Variants in SYBU observed in about 807,000 individuals in gnomAD.
SYBU encodes the protein GOLSYN A protein.
SYBU carries 21 observed loss-of-function variants against 35.9 expected under a neutral mutation model. That is an observed-to-expected ratio of 0.58 (90% CI 0.41 to 0.84). The LOEUF (loss-of-function observed/expected upper bound fraction) is 0.84. Among genes scored for constraint, SYBU ranks in the 40% least tolerant of loss-of-function variants. SYBU has a pLI of 0.00. For missense variants in SYBU, 768 were observed against 848.2 expected (o/e 0.91, Z 1.17); for synonymous variants, 319 against 324.3 (o/e 0.98, Z 0.18).
At chr8:109,601,715 A>T (rs1371318161) in intron 3 of SYBU, among the ~76,000 whole-genome samples, 3 of 152,182 alleles carry the variant, frequency 2.0e-5, no homozygotes, top group Non-Finnish European at 4.4e-5. Context: ...GGTGAAAGAG[A>T]TCACATGAAC....
At chr8:109,677,767 T>C (rs1295895504) in intron 1 of SYBU, among the ~76,000 whole-genome samples, 1 of 152,198 alleles carries the variant, frequency 6.6e-6, no homozygotes, top group Non-Finnish European at 1.5e-5. Context: ...TTTCCAAACT[T>C]CAGACTAAGA....
intron 3 of SYBU, among the ~76,000 whole-genome samples, chr8:109,617,518 G>A (rs1308541518): frequency 6.6e-6 from 1 of 152,194 alleles, no homozygotes; most frequent in Non-Finnish European, 1.5e-5. Flanking sequence ...GTTGAGCTAA[G>A]GGAGACAGTC....
At chr8:109,598,751 T>C (rs766713398) in intron 3 of SYBU, among the ~76,000 whole-genome samples, 20 of 152,232 alleles carry the variant, frequency 1.3e-4, no homozygotes, top group Admixed American at 2.6e-4. Flanking sequence ...AAGTGATAAG[T>C]TGTAGATGAC....
intron 1 of SYBU, among the ~76,000 whole-genome samples, chr8:109,661,974 C>A (rs1401298073): frequency 6.6e-6 from 1 of 152,198 alleles, no homozygotes; most frequent in Non-Finnish European, 1.5e-5. Context: ...AAGCCGAGGT[C>A]TTTTATTTTC....
chr8:109,582,927 C>T (rs1416043366), intron 4 of SYBU, among the ~76,000 whole-genome samples: 1 of 152,132 alleles, frequency 6.6e-6, no homozygotes, highest in African/African-American at 2.4e-5. Flanking sequence ...AGAGGAGCCT[C>T]AGAAGAAGCC....
chr8:109,622,125 C>CTT (rs139889016), intron 2 of SYBU, among the ~76,000 whole-genome samples: 1 of 150,516 alleles, frequency 6.6e-6, no homozygotes, highest in Non-Finnish European at 1.5e-5. Flanking sequence ...ATCTGAGATT[C>CTT]TTTTTTTTTC....
intron 6 of SYBU, among the ~76,000 whole-genome samples, chr8:109,577,028 A>G (rs984352539): frequency 2.6e-5 from 4 of 152,158 alleles, no homozygotes; most frequent in African/African-American, 7.2e-5. Flanking sequence ...TCTCAAGTCT[A>G]TTTCAGACAG....
chr8:109,669,862 A>G (rs1184565617), intron 1 of SYBU, among the ~76,000 whole-genome samples: 1 of 152,224 alleles, frequency 6.6e-6, no homozygotes, highest in Non-Finnish European at 1.5e-5. Flanking sequence ...AAATCCATAC[A>G]TGTGTGAGCA....
intron 2 of SYBU, among the ~76,000 whole-genome samples, chr8:109,628,961 A>G (rs1365013676): frequency 6.6e-6 from 1 of 152,226 alleles, no homozygotes; most frequent in African/African-American, 2.4e-5. Context: ...CCTAAACCAA[A>G]AAAAAATGAG....
chr8:109,688,343 C>T (rs1174967353), intron 1 of SYBU, among the ~76,000 whole-genome samples: 1 of 152,146 alleles, frequency 6.6e-6, no homozygotes, highest in African/African-American at 2.4e-5. Context: ...TTCTGAAGTA[C>T]TGGAAATACA....
chr8:109,609,129 C>G (rs1892758), intron 3 of SYBU, among the ~76,000 whole-genome samples: 50,594 of 152,044 alleles, frequency 0.33, 10,073 homozygotes, highest in African/African-American at 0.55. Flanking sequence ...GTGAAGAACC[C>G]CTCCTCCTGC....
At chr8:109,651,448 CTTTTTTTTT>C (rs535652540) in intron 1 of SYBU, among the ~76,000 whole-genome samples, 4 of 64,466 alleles carry the variant, frequency 6.2e-5, no homozygotes, top group Admixed American at 2.0e-4. Flanking sequence ...GAAATTGAGA[CTTTTTTTTT>C]TTTTTTTTTT....
At chr8:109,643,451 ATC>A (rs1815163300) in intron 1 of SYBU, 1 of 152,730 alleles carries the variant, frequency 6.5e-6, no homozygotes, top group Admixed American at 6.5e-5. Flanking sequence ...TATCTTTAAA[ATC>A]CCTCCTCTTC....
At chr8:109,683,056 A>C (rs1372885350), upstream of SYBU, among the ~76,000 whole-genome samples, 1 of 152,230 alleles carries the variant, frequency 6.6e-6, no homozygotes, top group Admixed American at 6.5e-5. Context: ...GTCCAGGGAG[A>C]AGTTTGCTGC....
intron 3 of SYBU, among the ~76,000 whole-genome samples, chr8:109,617,403 T>C (rs1031856700): frequency 2.6e-5 from 4 of 152,202 alleles, no homozygotes; most frequent in Non-Finnish European, 4.4e-5. Context: ...TAGTAAATGG[T>C]GATGTTTGCA....
chr8:109,682,149 GTGC>G (rs1413640382), upstream of SYBU, among the ~76,000 whole-genome samples: 19 of 152,314 alleles, frequency 1.2e-4, no homozygotes, highest in East Asian at 3.7e-3. Flanking sequence ...CTGGAGTGGG[GTGC>G]TGCTATGAGG....
upstream of SYBU, chr8:109,644,990 GC>G (rs1167786706): frequency 4.7e-5 from 22 of 468,334 alleles, no homozygotes; most frequent in Non-Finnish European, 7.9e-5. Flanking sequence ...GGCACTCCGC[GC>G]CCCCCCAGCC....
chr8:109,684,517 A>C (rs891096749), upstream of SYBU, among the ~76,000 whole-genome samples: 6 of 152,350 alleles, frequency 3.9e-5, no homozygotes, highest in African/African-American at 1.4e-4. Flanking sequence ...TCTGTATGTA[A>C]GTTTAATATA....
At chr8:109,601,484 G>GAGTT (rs1825510939) in intron 3 of SYBU, among the ~76,000 whole-genome samples, 1 of 152,172 alleles carries the variant, frequency 6.6e-6, no homozygotes, top group Admixed American at 6.5e-5. Context: ...TTCCTAGGAG[G>GAGTT]AGTTAGACTA....
Sources: gnomAD v4.1 joint callset for allele counts (sites outside exome capture counted in the v4.1 genomes callset) on GRCh38, gnomAD v4.1.1 for gene constraint, MANE v1.5 for transcripts, NCBI Gene and HGNC (gene_info 2026-07-23, HGNC 2026-07-21) for gene names.